PLXDC2: variants seen among roughly 807,000 people sequenced by gnomAD.
PLXDC2 encodes plexin domain-containing protein 2.
PLXDC2 carries 40 observed loss-of-function variants against 68.9 expected under a neutral mutation model. The observed-to-expected ratio is 0.58, with a 90% CI of 0.45 to 0.76. The LOEUF (loss-of-function observed/expected upper bound fraction) is 0.76, where lower values mean the gene tolerates loss of function less well. Among genes scored for constraint, PLXDC2 ranks in the 30% least tolerant of loss-of-function variants. The pLI, the probability that PLXDC2 is intolerant of heterozygous loss-of-function variation, is 0.00. For synonymous variants in PLXDC2, 243 were observed against 234.2 expected, an observed-to-expected ratio of 1.04 and a Z score of -0.34; for missense variants, 644 against 661.9, an observed-to-expected ratio of 0.97 and a Z score of 0.30.
chr10:20,045,162 T>C (rs1038189110), intron 2 of PLXDC2, among the ~76,000 whole-genome samples: 1 of 152,152 alleles, frequency 6.6e-6, no homozygotes, highest in African/African-American at 2.4e-5. Flanking sequence ...CAGAGTTTAA[T>C]TGCAGATATA....
intron 12 of PLXDC2, among the ~76,000 whole-genome samples, chr10:20,224,989 G>A (rs1486772581): frequency 6.6e-6 from 1 of 152,098 alleles, no homozygotes; most frequent in African/African-American, 2.4e-5. Flanking sequence ...CCCCATCAAG[G>A]AGATACCAAA....
chr10:19,924,472 C>G (rs1199085269), intron 1 of PLXDC2, among the ~76,000 whole-genome samples: 1 of 152,142 alleles, frequency 6.6e-6, no homozygotes, highest in Non-Finnish European at 1.5e-5. Context: ...ATTGACATTT[C>G]TGATGAGCGA....
intron 12 of PLXDC2, among the ~76,000 whole-genome samples, chr10:20,243,247 C>G (rs1343706350): frequency 6.6e-6 from 1 of 152,072 alleles, no homozygotes; most frequent in Non-Finnish European, 1.5e-5. Context: ...AACCCTAGCT[C>G]ATTTTTTAAT....
intron 4 of PLXDC2, among the ~76,000 whole-genome samples, chr10:20,102,102 G>C (rs1833431243): frequency 6.6e-6 from 1 of 152,006 alleles, no homozygotes; most frequent in Non-Finnish European, 1.5e-5. Flanking sequence ...TGCCCAGTCA[G>C]TTTTTTACCA....
At chr10:20,015,195 T>G (rs898134952) in intron 2 of PLXDC2, among the ~76,000 whole-genome samples, 7 of 152,216 alleles carry the variant, frequency 4.6e-5, no homozygotes, top group African/African-American at 1.7e-4. Context: ...TATCATTGTC[T>G]TCCTTTGGGC....
intron 10 of PLXDC2, 117 bp downstream of exon 10, chr10:20,211,846 T>G: frequency 2.1e-6 from 2 of 949,176 alleles, no homozygotes; most frequent in Non-Finnish European, 3.1e-6. Flanking sequence ...AGGAGAAGAA[T>G]CCTTCTATAA....
intron 4 of PLXDC2, among the ~76,000 whole-genome samples, chr10:20,092,366 A>T (rs1156667862): frequency 6.6e-6 from 1 of 152,208 alleles, no homozygotes; most frequent in Non-Finnish European, 1.5e-5. Flanking sequence ...TTTCAAACTA[A>T]GATTCCACTT....
At chr10:20,246,577 T>G (rs1392714841) in intron 13 of PLXDC2, among the ~76,000 whole-genome samples, 2 of 152,214 alleles carry the variant, frequency 1.3e-5, no homozygotes, top group Admixed American at 1.3e-4. Context: ...CTCAAACTCC[T>G]GACCACAAGT....
At chr10:20,083,886 AAAG>A (rs1833150732) in intron 4 of PLXDC2, among the ~76,000 whole-genome samples, 1 of 152,234 alleles carries the variant, frequency 6.6e-6, no homozygotes, top group African/African-American at 2.4e-5. Context: ...TGTTGCAGTG[AAAG>A]AAGGACAGAA....
chr10:20,234,777 A>G (rs1588534385), intron 12 of PLXDC2, among the ~76,000 whole-genome samples: 1 of 151,826 alleles, frequency 6.6e-6, no homozygotes, highest in East Asian at 1.9e-4. Context: ...ATGCGCATCA[A>G]ACCACAGCAA....
At chr10:20,241,364 T>A (rs1835513724) in intron 12 of PLXDC2, among the ~76,000 whole-genome samples, 1 of 152,192 alleles carries the variant, frequency 6.6e-6, no homozygotes, top group African/African-American at 2.4e-5. Flanking sequence ...ACCCTTGCCC[T>A]CTTTTTCCTT....
intron 4 of PLXDC2, among the ~76,000 whole-genome samples, chr10:20,129,698 G>C (rs1287567203): frequency 6.6e-6 from 1 of 152,034 alleles, no homozygotes; most frequent in East Asian, 1.9e-4. Context: ...TATATGGTGT[G>C]AAATAATGCT....
chr10:20,124,605 G>A (rs1353466785), intron 4 of PLXDC2, among the ~76,000 whole-genome samples: 1 of 152,052 alleles, frequency 6.6e-6, no homozygotes, highest in Non-Finnish European at 1.5e-5. Context: ...TTTCACCTGG[G>A]TGCAGGCGGG....
rs1307868702 is a variant in PLXDC2, at chr10:19,972,766, C to A, written c.113-29009C>A. On this transcript the variant is annotated intron_variant, in intron 1 of 13. Transcript: ENST00000377252. The stretch of plus-strand genomic sequence containing the variant: ...AAGAGTTATTTTTAAAAAGCCTAAA[C>A]TTTTATGTAATTTTGAAATAAGAAG... Among the ~76,000 whole-genome samples the A allele has an allele frequency of 3.3e-5, 5 of 152,048 alleles. No homozygotes were observed. The East Asian group carries it at 9.7e-4, about 29-fold the overall frequency.
intron 1 of PLXDC2, among the ~76,000 whole-genome samples, chr10:19,959,416 A>G (rs1197323067): frequency 6.6e-6 from 1 of 152,208 alleles, no homozygotes; most frequent in Non-Finnish European, 1.5e-5. Context: ...ATAATTCATC[A>G]CTGAAAAGAA....
At chr10:19,869,880 A>T (rs1837501262) in intron 1 of PLXDC2, among the ~76,000 whole-genome samples, 1 of 152,000 alleles carries the variant, frequency 6.6e-6, no homozygotes, top group Non-Finnish European at 1.5e-5. Context: ...ATAATTTAGG[A>T]TTCATTATGG....
intron 4 of PLXDC2, among the ~76,000 whole-genome samples, chr10:20,120,513 A>G (rs1704003163): frequency 6.6e-6 from 1 of 152,216 alleles, no homozygotes; most frequent in South Asian, 2.1e-4. Flanking sequence ...GACTGTATAG[A>G]GTTGGGAAGG....
intron 12 of PLXDC2, among the ~76,000 whole-genome samples, chr10:20,223,062 T>C (rs559831788): frequency 1.2e-4 from 19 of 152,222 alleles, no homozygotes; most frequent in African/African-American, 4.3e-4. Flanking sequence ...AGAATGTTTA[T>C]TGAATTGAAT....
At chr10:20,212,954 T>C (rs1260722497) in intron 10 of PLXDC2, among the ~76,000 whole-genome samples, 1 of 152,150 alleles carries the variant, frequency 6.6e-6, no homozygotes, top group South Asian at 2.1e-4. Flanking sequence ...TATGTAAAGA[T>C]TGAGAATGTA....
Sources: gnomAD v4.1 joint callset for allele counts (sites outside exome capture counted in the v4.1 genomes callset) on GRCh38, gnomAD v4.1.1 for gene constraint, MANE v1.5 for transcripts, NCBI Gene and HGNC (gene_info 2026-07-23, HGNC 2026-07-21) for gene names.